Variants in RASSF3 observed in about 807,000 individuals in gnomAD.
The protein encoded by RASSF3 is Ras association domain family member 3, also known as ras association domain-containing protein 3.
A neutral mutation model predicts 19.9 loss-of-function variants in RASSF3; 19 were observed. The ratio of observed to expected loss-of-function variants is 0.96; its 90% CI spans 0.67 to 1.40. The LOEUF is 1.40. RASSF3 is among the 40% of genes most tolerant of loss of function. The pLI, the probability that RASSF3 is intolerant of heterozygous loss-of-function variation, is 0.00. For synonymous variants in RASSF3, 110 were observed against 104.2 expected, an observed-to-expected ratio of 1.06 and a Z score of -0.34; for missense variants, 306 against 289.8, an observed-to-expected ratio of 1.06 and a Z score of -0.41.
At chr12:64,523,160 C>G (rs1194982864) in intron 1 of RASSF3, among the ~76,000 whole-genome samples, 1 of 152,192 alleles carries the variant, frequency 6.6e-6, no homozygotes, top group African/African-American at 2.4e-5. Flanking sequence ...AATCCCAGCA[C>G]TTTGGGAGAC....
chr12:64,576,545 A>G (rs932701672), intron 2 of RASSF3, among the ~76,000 whole-genome samples: 1 of 152,238 alleles, frequency 6.6e-6, no homozygotes, highest in African/African-American at 2.4e-5. Flanking sequence ...TACATAGACC[A>G]GGGATTGGCA....
At chr12:64,508,584 A>G (rs1331323505) in intron 1 of RASSF3, among the ~76,000 whole-genome samples, 1 of 151,082 alleles carries the variant, frequency 6.6e-6, no homozygotes, top group Non-Finnish European at 1.5e-5. Context: ...TGATTAAGAC[A>G]TTTATTTAAA....
At chr12:64,664,290 C>G (rs1351384537) in intron 1 of RASSF3, among the ~76,000 whole-genome samples, 1 of 152,048 alleles carries the variant, frequency 6.6e-6, no homozygotes. Context: ...ATAGAAATAA[C>G]AAAGCTTAAA....
rs1477395496 is a variant in RASSF3 at position 64,694,747 on chromosome 12, C to G, written c.568-16C>G. The stretch of plus-strand genomic sequence containing the variant: ...TATTAAACATCTGGCATTTTTCTTT[C>G]TGTGTTTCCTGACAGTGGGAAGCCT... On this transcript the variant is annotated splice_polypyrimidine_tract_variant and intron_variant, in intron 4 of 4. Coordinates refer to ENST00000542104, the MANE Select transcript of RASSF3 (RefSeq NM_178169.4). 3 of 1,613,268 alleles carry G rather than the reference C, an allele frequency of 1.9e-6. No individual in the cohort carries two copies. The highest frequency in any genetic ancestry group is 1.7e-6 in the Non-Finnish European group (2 of 1,179,676).
chr12:64,564,789 T>G (rs1278319927), intron 2 of RASSF3, among the ~76,000 whole-genome samples: 3 of 149,278 alleles, frequency 2.0e-5, no homozygotes, highest in African/African-American at 7.3e-5. Flanking sequence ...TGTTTTTTGT[T>G]TTTTTTTTTG....
downstream of RASSF3, among the ~76,000 whole-genome samples, chr12:64,546,095 CAAAAAAAAAA>C (rs34666595): frequency 1.0e-4 from 6 of 59,544 alleles, no homozygotes; most frequent in African/African-American, 2.6e-4. Flanking sequence ...GACTCCGTCT[CAAAAAAAAAA>C]AAAAAAAAAA....
intron 2 of RASSF3, among the ~76,000 whole-genome samples, chr12:64,575,979 TC>T (rs1408748040): frequency 6.8e-6 from 1 of 147,454 alleles, no homozygotes; most frequent in African/African-American, 2.5e-5. Context: ...AACCTCCCCC[TC>T]CCAGGTTCAA....
chr12:64,542,952 G>A (rs532263311), downstream of RASSF3, among the ~76,000 whole-genome samples: 13 of 152,206 alleles, frequency 8.5e-5, no homozygotes, highest in African/African-American at 2.6e-4. Context: ...GGCGGGAACC[G>A]GGGCTGCGCG....
intron 1 of RASSF3, among the ~76,000 whole-genome samples, chr12:64,513,972 TG>T (rs1868344134): frequency 6.8e-6 from 1 of 148,100 alleles, no homozygotes; most frequent in African/African-American, 2.5e-5. Context: ...CTCTGCCTCC[TG>T]GGTTCAAGCA....
At chr12:64,603,776 C>A (rs765090031) in intron 2 of RASSF3, among the ~76,000 whole-genome samples, 3 of 152,176 alleles carry the variant, frequency 2.0e-5, no homozygotes, top group Non-Finnish European at 4.4e-5. Context: ...GAGGTTTAAC[C>A]AGTTTAGATA....
chr12:64,664,499 C>T (rs558885457), intron 1 of RASSF3, among the ~76,000 whole-genome samples: 3 of 152,266 alleles, frequency 2.0e-5, no homozygotes, highest in South Asian at 4.1e-4. Context: ...TGAGCCACCA[C>T]GCCTGGCCCT....
chr12:64,663,115 G>A (rs998926064), intron 1 of RASSF3, among the ~76,000 whole-genome samples: 5 of 152,176 alleles, frequency 3.3e-5, no homozygotes, highest in African/African-American at 1.2e-4. Context: ...TAATAATTAT[G>A]TAAGTGCCAA....
chr12:64,536,280 G>C (rs1029239612), intron 1 of RASSF3, among the ~76,000 whole-genome samples: 1 of 151,932 alleles, frequency 6.6e-6, no homozygotes, highest in Admixed American at 6.6e-5. Flanking sequence ...AAAGTGCTGG[G>C]ATTACAGGCA....
At chr12:64,545,878 G>A (rs963809736), downstream of RASSF3, among the ~76,000 whole-genome samples, 3 of 151,666 alleles carry the variant, frequency 2.0e-5, no homozygotes, top group Non-Finnish European at 4.4e-5. Flanking sequence ...ACCCTGCCTC[G>A]AAGAAAAAAG....
At chr12:64,544,901 T>C (rs535391493), downstream of RASSF3, among the ~76,000 whole-genome samples, 1 of 152,346 alleles carries the variant, frequency 6.6e-6, no homozygotes, top group South Asian at 2.1e-4. Flanking sequence ...AGAACAGTAA[T>C]AGCTGTTTAG....
At chr12:64,543,421 G>GCCCGCCCGCCCACCC (rs1565836074), downstream of RASSF3, among the ~76,000 whole-genome samples, 1 of 55,880 alleles carries the variant, frequency 1.8e-5, no homozygotes. Context: ...CCCGCCCCCC[G>GCCCGCCCGCCCACCC]GCTCCCCGCC....
chr12:64,627,230 TTG>T (rs1871027705), intron 1 of RASSF3, among the ~76,000 whole-genome samples: 1 of 152,240 alleles, frequency 6.6e-6, no homozygotes, highest in South Asian at 2.1e-4. Flanking sequence ...GTATTGACAC[TTG>T]ATAAACAGTT....
At chr12:64,608,127 T>G (rs1357949675), upstream of RASSF3, among the ~76,000 whole-genome samples, 2 of 151,756 alleles carry the variant, frequency 1.3e-5, no homozygotes, top group East Asian at 3.9e-4. Flanking sequence ...ACTATGTTGG[T>G]CAGGCTGGAT....
At chr12:64,550,130 T>G (rs1320013584) in intron 2 of RASSF3, among the ~76,000 whole-genome samples, 1 of 152,142 alleles carries the variant, frequency 6.6e-6, no homozygotes, top group African/African-American at 2.4e-5. Flanking sequence ...AAGTTCTCCT[T>G]CCTGCCCTCT....
Sources: gnomAD v4.1 joint callset for allele counts (sites outside exome capture counted in the v4.1 genomes callset) on GRCh38, gnomAD v4.1.1 for gene constraint, MANE v1.5 for transcripts, NCBI Gene and HGNC (gene_info 2026-07-23, HGNC 2026-07-21) for gene names.